Variants in ISOC1 observed in about 807,000 individuals in gnomAD.
The protein encoded by ISOC1 is isochorismatase domain-containing protein 1.
Under a neutral mutation model 30.0 loss-of-function variants are expected in ISOC1, and 33 were observed. The observed-to-expected ratio is 1.10, with a 90% CI of 0.83 to 1.47. The LOEUF (loss-of-function observed/expected upper bound fraction) is 1.47. Among genes scored for constraint, ISOC1 ranks in the 40% most tolerant of loss-of-function variants. The probability of loss-of-function intolerance (pLI) is 0.00; values close to 1 mark genes in which losing one functional copy is unlikely to be tolerated. For synonymous variants in ISOC1, 178 were observed against 159.8 expected, an observed-to-expected ratio of 1.11 and a Z score of -0.86; for missense variants, 372 against 388.0, an observed-to-expected ratio of 0.96 and a Z score of 0.35.
At chr5:129,108,289 T>G (rs1753661736) in intron 4 of ISOC1, among the ~76,000 whole-genome samples, 1 of 152,156 alleles carries the variant, frequency 6.6e-6, no homozygotes, top group African/African-American at 2.4e-5. Flanking sequence ...CACAGGGTGG[T>G]GGGAAGCAGG....
At position 129,094,786 on chromosome 5, in the gene ISOC1, C is replaced by T. The variant is rs917727719; in HGVS notation, c.20C>T (p.Ala7Val). MAAAEP[A>V]VLALPNSGAG... ...GGGAACATGGCGGCTGCGGAGCCGG[C>T]GGTCCTTGCGCTCCCCAACAGCGGC... The change falls in exon 1 of 5, where the codon GCG (alanine) becomes GTG (valine). Residue 7 changes from alanine (A) to valine (V), a missense_variant. Coordinates refer to ENST00000173527, the MANE Select transcript of ISOC1 (RefSeq NM_016048.2). The T allele has an allele frequency of 3.5e-5, 53 of 1,509,972 alleles. No homozygotes were observed. The highest frequency in any genetic ancestry group is 1.3e-4 in the Admixed American group (6 of 47,982). 93.5% of individuals were successfully genotyped at this position (1,509,972 alleles called of 1,614,324 possible). A position where few individuals can be genotyped will look rare whatever the true frequency, so the allele number is the denominator to read the frequency against.
At chr5:129,103,805 G>C (rs536742954) in intron 1 of ISOC1, among the ~76,000 whole-genome samples, 1 of 152,240 alleles carries the variant, frequency 6.6e-6, no homozygotes, top group South Asian at 2.1e-4. Flanking sequence ...GGTGGTTTTA[G>C]GGGAAACAAA....
intron 4 of ISOC1, among the ~76,000 whole-genome samples, chr5:129,110,446 G>A (rs888713305): frequency 1.3e-5 from 2 of 152,150 alleles, no homozygotes; most frequent in African/African-American, 4.8e-5. Context: ...GAAAGGGCAG[G>A]CATTGTGGGA....
intron 1 of ISOC1, among the ~76,000 whole-genome samples, chr5:129,103,847 C>T (rs183450105): frequency 2.8e-4 from 43 of 152,178 alleles, no homozygotes; most frequent in African/African-American, 9.1e-4. Context: ...TTTAAGGGAG[C>T]GGCTAGTAAG....
chr5:129,099,803 T>A (rs1036312981), intron 1 of ISOC1, among the ~76,000 whole-genome samples: 9 of 152,220 alleles, frequency 5.9e-5, no homozygotes, highest in Non-Finnish European at 1.2e-4. Context: ...AATACATTTA[T>A]TGATTGATTA....
chr5:129,106,725 A>T (rs1272071373), intron 3 of ISOC1, among the ~76,000 whole-genome samples: 1 of 152,204 alleles, frequency 6.6e-6, no homozygotes, highest in Non-Finnish European at 1.5e-5. Context: ...TATCAGAAAC[A>T]TTGGCCTAAT....
chr5:129,096,836 A>G (rs934586798), intron 1 of ISOC1, among the ~76,000 whole-genome samples: 3 of 152,152 alleles, frequency 2.0e-5, no homozygotes, highest in Non-Finnish European at 2.9e-5. Context: ...AGATAATGCT[A>G]TTCTAAACTA....
intron 1 of ISOC1, among the ~76,000 whole-genome samples, chr5:129,103,384 A>T (rs1753594032): frequency 6.6e-6 from 1 of 152,230 alleles, no homozygotes; most frequent in South Asian, 2.1e-4. Context: ...AAGCTAGAAC[A>T]TATAATATGC....
At chr5:129,106,897 C>T (rs1327477910) in intron 3 of ISOC1, 49 bp from the exon 4 acceptor site, 2 of 1,293,322 alleles carry the variant, frequency 1.5e-6, no homozygotes, top group African/African-American at 1.5e-5. Context: ...TTGTAAACTA[C>T]TTTTAGTTTA....
At chr5:129,103,270 A>G (rs751648536) in intron 1 of ISOC1, among the ~76,000 whole-genome samples, 1 of 152,224 alleles carries the variant, frequency 6.6e-6, no homozygotes, top group Non-Finnish European at 1.5e-5. Flanking sequence ...TAGCCTTCCC[A>G]GCAATGCATT....
intron 1 of ISOC1, among the ~76,000 whole-genome samples, chr5:129,097,378 GATAT>G (rs1248623573): frequency 1.3e-5 from 2 of 151,892 alleles, no homozygotes; most frequent in Non-Finnish European, 2.9e-5. Context: ...AGAAGAGAGA[GATAT>G]ATATACACAC....
At position 129,104,957 on chromosome 5, in the gene ISOC1, T is replaced by C. The variant is rs1753616971; in HGVS notation, c.311T>C (p.Leu104Pro). 2 of 1,613,034 alleles carry C rather than the reference T, an allele frequency of 1.2e-6. No homozygotes were observed. The highest frequency in any genetic ancestry group is 1.1e-5 in the South Asian group (1 of 91,042). The change falls in exon 2 of 5, where the codon CTC (leucine) becomes CCC (proline). Residue 104 changes from leucine to proline, a missense_variant and splice_region_variant. Leu to Pro is a moderately conservative substitution (Grantham distance 98). Transcript: ENST00000173527. Reference protein sequence around the residue: ...KVRLVPLQIQLTTLGNLTPSS... With the variant: ...KVRLVPLQIQPTTLGNLTPSS... ...TCATTCTTTTTCTTTTTTCCTCAGC[T>C]CACTACCCTGGGAAATCTTACACCT...
At chr5:129,095,177 C>T (rs950704398) in intron 1 of ISOC1, 102 bp downstream of exon 1, 2 of 1,188,596 alleles carry the variant, frequency 1.7e-6, no homozygotes, top group Non-Finnish European at 2.3e-6. Flanking sequence ...CCGAGCCGCC[C>T]GGGACCCGGG....
At chr5:129,097,648 A>G (rs1361249213) in intron 1 of ISOC1, 3 of 152,378 alleles carry the variant, frequency 2.0e-5, no homozygotes, top group Non-Finnish European at 4.4e-5. Context: ...GTGCAGAAGA[A>G]CATAGGGAGG....
chr5:129,105,564 T>C (rs1011478884), intron 3 of ISOC1, among the ~76,000 whole-genome samples, 176 bp downstream of exon 3: 3 of 152,306 alleles, frequency 2.0e-5, no homozygotes, highest in African/African-American at 7.2e-5. Context: ...TAGCTGTTTA[T>C]TTATTAAGTC....
intron 1 of ISOC1, among the ~76,000 whole-genome samples, chr5:129,101,476 CAG>C (rs1222129107): frequency 3.3e-5 from 5 of 151,902 alleles, no homozygotes; most frequent in Admixed American, 2.0e-4. Context: ...GCCTGGGCGA[CAG>C]AGTGAGACTC....
intron 1 of ISOC1, among the ~76,000 whole-genome samples, chr5:129,095,452 G>A (rs1218077099): frequency 1.2e-4 from 19 of 152,232 alleles, no homozygotes; most frequent in African/African-American, 4.3e-4. Context: ...TGGGGTGATG[G>A]GTGATGCAGA....
At position 129,107,048 on chromosome 5, in the gene ISOC1, A is replaced by G. The variant is rs755584032; in HGVS notation, c.736A>G (p.Met246Val). 39 of 1,613,194 alleles carry G rather than the reference A, an allele frequency of 2.4e-5. No homozygotes were observed. The highest frequency in any genetic ancestry group is 5.0e-5 in the Admixed American group (3 of 59,974). ...CTCATCAAGAAGCATGATGGACAGGATGTTTGCCCTCGAGGTAATTGTCCT... is the reference window on the plus strand; with the variant it reads ...CTCATCAAGAAGCATGATGGACAGGGTGTTTGCCCTCGAGGTAATTGTCCT... ...ATSSRSMMDR[M>V]FALERLARTG... The change falls in exon 4 of 5, where the codon ATG becomes GTG. Residue 246 changes from methionine to valine, a missense_variant. By Grantham distance (21) the Met-to-Val change is conservative (BLOSUM62 1). Coordinates refer to ENST00000173527, the MANE Select transcript of ISOC1 (RefSeq NM_016048.2).
In ISOC1 at chr5:129,112,855, C is replaced by T. The variant is rs760512197; in HGVS notation, c.751C>T (p.Arg251Cys). 1.5e-5 allele frequency: 24 copies of T among 1,610,562 alleles called. No individual in the cohort carries two copies. Among genetic ancestry groups the T allele is most frequent in the Admixed American group, 8.4e-5 (5 of 59,210 alleles). ...SMMDRMFALERLARTGIIVTT... is the reference protein window; with the variant it reads ...SMMDRMFALECLARTGIIVTT... The stretch of plus-strand genomic sequence containing the variant: ...ATTTGCCTTTATCTTTTTGTTCAAG[C>T]GTCTCGCTCGAACCGGGATCATAGT... Residue 251 changes from arginine to cysteine, a missense_variant and splice_region_variant, in exon 5 of 5, where the codon CGT (arginine) becomes TGT (cysteine). Coordinates refer to ENST00000173527, the MANE Select transcript of ISOC1 (RefSeq NM_016048.2).
Sources: allele counts gnomAD v4.1 joint callset (sites outside exome capture counted in the v4.1 genomes callset), GRCh38; gene constraint gnomAD v4.1.1; transcripts MANE v1.5; gene names NCBI Gene and HGNC (gene_info 2026-07-23, HGNC 2026-07-21).